The following FOXO1 variants were observed in gnomAD, a reference collection of about 807,000 sequenced individuals.
FOXO1 encodes the protein forkhead box O1, also known as forkhead box protein O1.
A neutral mutation model predicts 44.1 loss-of-function variants in FOXO1; 6 were observed. The observed-to-expected ratio is 0.14, with a 90% CI of 0.07 to 0.27. The LOEUF (loss-of-function observed/expected upper bound fraction) is 0.27. Ranked by LOEUF, FOXO1 falls within the 10% of genes least tolerant of loss-of-function variation. FOXO1 has a pLI of 1.00. For synonymous variants in FOXO1, 380 were observed against 362.7 expected (o/e 1.05, Z -0.54); for missense variants, 737 against 888.8 (o/e 0.83, Z 2.17).
intron 1 of FOXO1, among the ~76,000 whole-genome samples, chr13:40,609,873 G>A (rs1437105279): frequency 1.3e-5 from 2 of 152,012 alleles, no homozygotes; most frequent in African/African-American, 4.8e-5. Context: ...TCACAGTATT[G>A]GCAGTACCTG....
chr13:40,598,926 G>A (rs973633388), intron 1 of FOXO1, among the ~76,000 whole-genome samples: 2 of 152,130 alleles, frequency 1.3e-5, no homozygotes, highest in African/African-American at 4.8e-5. Context: ...TTCCTACTAA[G>A]TACCATTTAT....
At chr13:40,571,626 T>C (rs1254892492) in intron 1 of FOXO1, among the ~76,000 whole-genome samples, 1 of 152,196 alleles carries the variant, frequency 6.6e-6, no homozygotes, top group African/African-American at 2.4e-5. Flanking sequence ...AATTAACTAC[T>C]GGAATACCCA....
chr13:40,607,628 T>G (rs992317090), intron 1 of FOXO1, among the ~76,000 whole-genome samples: 1 of 152,226 alleles, frequency 6.6e-6, no homozygotes, highest in Non-Finnish European at 1.5e-5. Context: ...TCCACACTAT[T>G]TAGTATTGTA....
chr13:40,608,903 T>A (rs145049916), intron 1 of FOXO1, among the ~76,000 whole-genome samples: 255 of 152,332 alleles, frequency 1.7e-3, no homozygotes, highest in Non-Finnish European at 3.0e-3. Flanking sequence ...ATATGATGGA[T>A]CCTAGAGATA....
chr13:40,560,193 G>C lies in FOXO1; in HGVS notation c.1298C>G (p.Pro433Arg), dbSNP rs750262452. 1.9e-6 allele frequency: 3 copies of C among 1,614,190 alleles called. No individual in the cohort carries two copies. The highest frequency in any genetic ancestry group is 2.5e-6 in the Non-Finnish European group (3 of 1,180,026). Residue 433 changes from proline (P) to arginine (R), a missense_variant, in exon 2 of 3, where the codon CCT becomes CGT. Transcript: ENST00000379561. This position sits in a 1 kb window ranked among gnomAD's most constrained non-coding sequence, Gnocchi z 5.1. ...KYTYGQSSMS[P>R]LPQMPIQTLQ... ...TGTTTGTATAGGCATCTGGGGCAAAGGGCTCATGCTGGATTGGCCATATGT... is the reference window on the plus strand; with the variant it reads ...TGTTTGTATAGGCATCTGGGGCAAACGGCTCATGCTGGATTGGCCATATGT...
rs200172320 is a variant in FOXO1, at chr13:40,610,630, T to C, written c.631-49770A>G. On this transcript the variant is annotated intron_variant, in intron 1 of 2. Coordinates refer to ENST00000379561, the MANE Select transcript of FOXO1 (RefSeq NM_002015.4). ...AACTGAGGCTGTTTTTACAGGAAAA[T>C]ATAAAAATAACTAAGTCATTCTGCC... Among the ~76,000 whole-genome samples, 8 of 152,304 alleles carry C rather than the reference T, an allele frequency of 5.3e-5. No individual in the cohort carries two copies. The East Asian group carries it at 1.5e-3, about 29-fold the overall frequency.
chr13:40,561,287 G>A (rs1386131319), intron 1 of FOXO1, among the ~76,000 whole-genome samples: 1 of 147,820 alleles, frequency 6.8e-6, no homozygotes, highest in African/African-American at 2.5e-5. Context: ...GGGAGGCGGA[G>A]CTTGCAGTGA....
rs1383447220 is a variant in FOXO1 at position 40,665,787 on chromosome 13, A to AGCG, written c.423_425dup (p.Ala142dup). The AGCG allele has an allele frequency of 3.2e-6, 4 of 1,263,966 alleles. No homozygotes were observed. The highest frequency in any genetic ancestry group is 3.0e-6 in the Non-Finnish European group (3 of 997,510). The allele number at this position is 1,263,966 out of a possible 1,614,324, so 78.3% of individuals were successfully genotyped here. ...TGCGCGGCTGCCCCGCGAGCGGCCC[A>AGCG]GCGGCGGCGGGGGGCACCGGCGGGT... On this transcript the variant is annotated inframe_insertion, in exon 1 of 3. Coordinates refer to ENST00000379561, the MANE Select transcript of FOXO1 (RefSeq NM_002015.4).
intron 1 of FOXO1, among the ~76,000 whole-genome samples, chr13:40,588,000 A>G (rs986628726): frequency 2.0e-5 from 3 of 152,206 alleles, no homozygotes; most frequent in Non-Finnish European, 4.4e-5. Context: ...TTCAAATTGC[A>G]TAACACAGAG....
chr13:40,589,917 T>C (rs1018537354), intron 1 of FOXO1, among the ~76,000 whole-genome samples: 5 of 152,142 alleles, frequency 3.3e-5, no homozygotes, highest in Non-Finnish European at 7.4e-5. Context: ...TAAAGGGTGA[T>C]GGGAAACAAC....
At chr13:40,589,267 C>T (rs918626943) in intron 1 of FOXO1, among the ~76,000 whole-genome samples, 3 of 152,044 alleles carry the variant, frequency 2.0e-5, no homozygotes, top group Non-Finnish European at 4.4e-5. Context: ...CAACTCAATC[C>T]AATTCTTGCC....
chr13:40,595,265 A>C (rs371141797), intron 1 of FOXO1, among the ~76,000 whole-genome samples: 12 of 152,326 alleles, frequency 7.9e-5, no homozygotes, highest in Non-Finnish European at 1.3e-4. Context: ...ACACTTTGTA[A>C]AGAATAAAGC....
chr13:40,615,218 A>T (rs1694157510), intron 1 of FOXO1, among the ~76,000 whole-genome samples: 1 of 152,154 alleles, frequency 6.6e-6, no homozygotes, highest in Non-Finnish European at 1.5e-5. Flanking sequence ...CACTGGGGGT[A>T]GGTGGCAACA....
At chr13:40,575,246 CA>C (rs367905972) in intron 1 of FOXO1, among the ~76,000 whole-genome samples, 11 of 151,882 alleles carry the variant, frequency 7.2e-5, no homozygotes, top group African/African-American at 2.7e-4. Flanking sequence ...AAGGCAGAGG[CA>C]GGAGGATAGC....
chr13:40,613,923 A>G (rs1418084572), intron 1 of FOXO1, among the ~76,000 whole-genome samples: 2 of 152,240 alleles, frequency 1.3e-5, no homozygotes, highest in African/African-American at 4.8e-5. Flanking sequence ...GACAGAAGAA[A>G]GTAAATCAGA....
chr13:40,573,977 T>TA (rs1352512881), intron 1 of FOXO1, among the ~76,000 whole-genome samples: 1 of 152,246 alleles, frequency 6.6e-6, no homozygotes, highest in Non-Finnish European at 1.5e-5. Context: ...TGGTACACCT[T>TA]AAACTCCTCT....
chr13:40,661,376 A>C lies in FOXO1; in HGVS notation c.630+4207T>G, dbSNP rs185017770. Among the ~76,000 whole-genome samples the C allele has an allele frequency of 6.8e-4, 103 of 152,072 alleles. 1 individual carries two copies. In the Middle Eastern group the frequency reaches 0.031, roughly 45 times the overall value. On this transcript the variant is annotated intron_variant, in intron 1 of 2. Transcript: ENST00000379561. ...CTGCAACCTCCGCCTTCTAGGTTCA[A>C]GCGATTCTCCTGCCTCAGCCTCCCG...
At chr13:40,620,799 C>CTTTTTTT (rs111991105) in intron 1 of FOXO1, among the ~76,000 whole-genome samples, 14,906 of 119,904 alleles carry the variant, frequency 0.12, 1,314 homozygotes, top group South Asian at 0.21. Flanking sequence ...CTTCCCCTTG[C>CTTTTTTT]TTTTTTTTTT....
At chr13:40,595,755 T>C (rs1240143955) in intron 1 of FOXO1, among the ~76,000 whole-genome samples, 1 of 152,114 alleles carries the variant, frequency 6.6e-6, no homozygotes, top group Non-Finnish European at 1.5e-5. Flanking sequence ...ATCACTTCTA[T>C]GCTCTTCTGA....
Sources: allele counts gnomAD v4.1 joint callset (sites outside exome capture counted in the v4.1 genomes callset), GRCh38; gene constraint gnomAD v4.1.1; non-coding constraint Gnocchi (gnomAD v3.1); transcripts MANE v1.5; gene names NCBI Gene and HGNC (gene_info 2026-07-23, HGNC 2026-07-21).